NRG3: variants seen among roughly 807,000 people sequenced by gnomAD.
The protein encoded by NRG3 is pro-neuregulin-3, membrane-bound isoform.
NRG3 carries 31 observed loss-of-function variants against 66.9 expected under a neutral mutation model. The observed-to-expected ratio is 0.46, with a 90% CI of 0.35 to 0.63. The LOEUF (loss-of-function observed/expected upper bound fraction) is 0.63. NRG3 is among the 20% of genes least tolerant of loss of function. The pLI is 0.00. For missense variants in NRG3, 910 were observed against 878.9 expected (o/e 1.04, Z -0.45); for synonymous variants, 393 against 359.4 (o/e 1.09, Z -1.06).
chr10:82,967,890 C>G (rs2132528718), intron 6 of NRG3, among the ~76,000 whole-genome samples: 2 of 152,294 alleles, frequency 1.3e-5, no homozygotes, highest in South Asian at 4.1e-4. Context: ...AGACTACAGA[C>G]CCCAACTCTC....
At chr10:82,521,725 A>G (rs1303878107) in intron 2 of NRG3, among the ~76,000 whole-genome samples, 1 of 152,104 alleles carries the variant, frequency 6.6e-6, no homozygotes, top group Non-Finnish European at 1.5e-5. Context: ...GTAGCATGTG[A>G]CGCCCTTTCG....
intron 1 of NRG3, among the ~76,000 whole-genome samples, chr10:82,267,217 A>G (rs1564729935): frequency 1.3e-5 from 2 of 152,128 alleles, no homozygotes; most frequent in South Asian, 2.1e-4. Context: ...TTTTTTTTCA[A>G]TGATTCATAG....
At chr10:82,181,010 G>T (rs2073381846) in intron 1 of NRG3, among the ~76,000 whole-genome samples, 1 of 151,680 alleles carries the variant, frequency 6.6e-6, no homozygotes, top group African/African-American at 2.4e-5. Flanking sequence ...TTGGTAGACT[G>T]AATTTATCTG....
intron 3 of NRG3, among the ~76,000 whole-genome samples, chr10:82,765,903 A>G (rs573336454): frequency 8.2e-4 from 125 of 152,340 alleles, no homozygotes; most frequent in Middle Eastern, 3.4e-3. Flanking sequence ...TCTAAGTAAT[A>G]AAATTTAATA....
chr10:81,954,842 G>A (rs1481607858), intron 1 of NRG3, among the ~76,000 whole-genome samples: 1 of 152,076 alleles, frequency 6.6e-6, no homozygotes, highest in Non-Finnish European at 1.5e-5. Context: ...TGTCACACCA[G>A]CCACTGCTGC....
intron 1 of NRG3, among the ~76,000 whole-genome samples, chr10:82,193,315 G>C (rs180928818): frequency 4.1e-4 from 63 of 152,086 alleles, no homozygotes; most frequent in Non-Finnish European, 7.5e-4. Context: ...GCTAATTTGG[G>C]TATTTTTAGT....
chr10:82,193,747 CTTA>C (rs1207385359), intron 1 of NRG3, among the ~76,000 whole-genome samples: 1 of 152,126 alleles, frequency 6.6e-6, no homozygotes, highest in Non-Finnish European at 1.5e-5. Context: ...AAAGAACAGT[CTTA>C]TTAGTAAGAA....
At chr10:81,896,807 T>C (rs1048690498) in intron 1 of NRG3, among the ~76,000 whole-genome samples, 10 of 152,148 alleles carry the variant, frequency 6.6e-5, no homozygotes, top group African/African-American at 2.2e-4. Flanking sequence ...AGATCCTTCA[T>C]TCGTCAACTA....
intron 4 of NRG3, among the ~76,000 whole-genome samples, chr10:82,879,309 A>T (rs1169417047): frequency 2.0e-5 from 3 of 152,150 alleles, no homozygotes; most frequent in Non-Finnish European, 4.4e-5. Flanking sequence ...CTTAACTCTT[A>T]AGTTGCTTAA....
chr10:81,926,950 G>A (rs772287391), intron 1 of NRG3, among the ~76,000 whole-genome samples: 10 of 152,156 alleles, frequency 6.6e-5, no homozygotes, highest in Non-Finnish European at 1.2e-4. Context: ...AGTGCATAAA[G>A]GGCCGAGCAT....
At chr10:82,244,361 C>T (rs2077139723) in intron 1 of NRG3, among the ~76,000 whole-genome samples, 1 of 152,030 alleles carries the variant, frequency 6.6e-6, no homozygotes, top group Non-Finnish European at 1.5e-5. Context: ...TAAGAGAAAT[C>T]TAGAATTTAG....
intron 1 of NRG3, among the ~76,000 whole-genome samples, chr10:82,177,245 T>G (rs2073103623): frequency 6.6e-6 from 1 of 152,100 alleles, no homozygotes; most frequent in Non-Finnish European, 1.5e-5. Context: ...TATCTAGGCC[T>G]GATTGTGTGT....
At chr10:82,045,999 C>T (rs563088049) in intron 1 of NRG3, among the ~76,000 whole-genome samples, 36,802 of 138,576 alleles carry the variant, frequency 0.27, 5,845 homozygotes, top group African/African-American at 0.42. Context: ...AGTCAGGTAG[C>T]GTGATGCCTC....
chr10:82,467,059 T>C (rs535601652), intron 2 of NRG3, among the ~76,000 whole-genome samples: 4 of 152,090 alleles, frequency 2.6e-5, no homozygotes, highest in African/African-American at 7.2e-5. Flanking sequence ...CTTATTTAAA[T>C]AGGGGACCGT....
At chr10:82,128,162 A>G (rs1418499669) in intron 1 of NRG3, among the ~76,000 whole-genome samples, 2 of 151,980 alleles carry the variant, frequency 1.3e-5, no homozygotes, top group African/African-American at 2.4e-5. Context: ...GTGCTGGGAC[A>G]CATTTTATCT....
chr10:82,911,334 G>A (rs998568796), intron 4 of NRG3, among the ~76,000 whole-genome samples: 5 of 151,804 alleles, frequency 3.3e-5, no homozygotes. Flanking sequence ...TCATTCATGG[G>A]TTGTGCCTTT....
chr10:82,413,789 G>A lies in NRG3; in HGVS notation c.953+54921G>A, dbSNP rs149194968. ...GTTTCACATGTACTTTTATTTTATGGAGATGGCTTCTTTCCTTAAACCTCG... is the reference window on the plus strand; with the variant it reads ...GTTTCACATGTACTTTTATTTTATGAAGATGGCTTCTTTCCTTAAACCTCG... On this transcript the variant is annotated intron_variant, in intron 2 of 8. Transcript: ENST00000372141. Among the ~76,000 whole-genome samples, 156 of 152,092 alleles carry A rather than the reference G, an allele frequency of 1.0e-3. No individual in the cohort carries two copies. The East Asian group carries it at 0.025, about 24-fold the overall frequency.
At chr10:82,713,978 G>T (rs1033527016) in intron 2 of NRG3, among the ~76,000 whole-genome samples, 1 of 152,128 alleles carries the variant, frequency 6.6e-6, no homozygotes, top group African/African-American at 2.4e-5. Flanking sequence ...AGCCGCCATG[G>T]TTGTCATGGT....
intron 2 of NRG3, among the ~76,000 whole-genome samples, chr10:82,582,871 A>G (rs1393222732): frequency 3.3e-5 from 5 of 152,196 alleles, no homozygotes; most frequent in African/African-American, 1.2e-4. Flanking sequence ...TTTTAAATTA[A>G]CATCAAAGCA....
Sources: allele counts gnomAD v4.1 joint callset (sites outside exome capture counted in the v4.1 genomes callset), GRCh38; gene constraint gnomAD v4.1.1; transcripts MANE v1.5; gene names NCBI Gene and HGNC (gene_info 2026-07-23, HGNC 2026-07-21).